Variants in MCF2L observed in about 807,000 individuals in gnomAD.
MCF2L encodes guanine nucleotide exchange factor DBS.
In MCF2L, 97 loss-of-function variants were observed where a neutral mutation model predicts 153.4. The observed-to-expected ratio is 0.63, with a 90% CI of 0.54 to 0.75. The LOEUF (loss-of-function observed/expected upper bound fraction) is 0.75. MCF2L is among the 30% of genes least tolerant of loss of function. The probability of loss-of-function intolerance (pLI) is 0.00; values close to 1 mark genes in which losing one functional copy is unlikely to be tolerated. For missense variants in MCF2L, 1,347 were observed against 1,495.2 expected, an observed-to-expected ratio of 0.90 and a Z score of 1.64; for synonymous variants, 659 against 632.2, an observed-to-expected ratio of 1.04 and a Z score of -0.64.
In MCF2L at chr13:113,058,969, C is replaced by CTGAG. The variant is rs141372551; in HGVS notation, c.370-1622_370-1621insAGTG. ...TGTTTGGGTGCTGAGTGTTTCAGCG[C>CTGAG]TGTTTGGGTGCTGAGTGTTTCAGTG... On this transcript the variant is annotated intron_variant, in intron 4 of 29. Transcript: ENST00000535094. Among the ~76,000 whole-genome samples, 5 of 144,956 alleles carry CTGAG rather than the reference C, an allele frequency of 3.4e-5. No individual in the cohort carries two copies. In the South Asian group the frequency reaches 6.6e-4, roughly 19 times the overall value.
At chr13:113,022,805 C>G (rs946372230) in intron 2 of MCF2L, among the ~76,000 whole-genome samples, 1 of 152,334 alleles carries the variant, frequency 6.6e-6, no homozygotes, top group South Asian at 2.1e-4. Flanking sequence ...TTGTCGTACT[C>G]GCACAGGAGG....
intron 3 of MCF2L, chr13:113,044,455 G>T (rs916586480): frequency 1.8e-6 from 1 of 565,034 alleles, no homozygotes. Context: ...CCATCCTGCA[G>T]AATTCTGATT....
rs2035800456 is a variant in MCF2L, at chr13:113,098,426, G to C, written c.*1567G>C. ...CCCTTGTGTGACCCTCCCCATAAAG[G>C]CACTTTACAGCTTCATGTTTCATCC... On this transcript the variant is annotated 3_prime_UTR_variant, in exon 30 of 30. Transcript: ENST00000535094. 6.6e-6 allele frequency: 1 copy of C among 152,570 alleles called. No homozygotes were observed. Among genetic ancestry groups the C allele is most frequent in the Admixed American group, 6.5e-5 (1 of 15,308 alleles). 9.5% of individuals were successfully genotyped at this position (152,570 alleles called of 1,614,324 possible).
At chr13:113,093,256 C>A (rs888195916) in intron 26 of MCF2L, among the ~76,000 whole-genome samples, 3 of 152,242 alleles carry the variant, frequency 2.0e-5, no homozygotes, top group Admixed American at 1.3e-4. Flanking sequence ...AGCTGCAGGT[C>A]TGCAACCGGA....
At chr13:112,916,978 TC>T (rs1444592366) in intron 2 of MCF2L, 4 of 439,172 alleles carry the variant, frequency 9.1e-6, no homozygotes, top group Non-Finnish European at 1.9e-5. Context: ...CTGGTCTGTG[TC>T]CCCATCCCTC....
chr13:112,991,049 A>G (rs1303472416), intron 1 of MCF2L, among the ~76,000 whole-genome samples: 1 of 152,128 alleles, frequency 6.6e-6, no homozygotes, highest in Non-Finnish European at 1.5e-5. Flanking sequence ...CTGGCTCTGC[A>G]CCTGGGGCTC....
Position 113,027,200 on chromosome 13 carries a change from G to T in MCF2L, c.278+2442G>T, listed in dbSNP as rs187519211. 2.8e-5 allele frequency: 17 copies of T among 614,992 alleles called. No homozygotes were observed. The highest frequency in any genetic ancestry group is 4.7e-5 in the Non-Finnish European group (16 of 337,298). 38.1% of individuals were successfully genotyped at this position (614,992 alleles called of 1,614,324 possible). Reference sequence around the variant, plus strand: ...TTCTTCAGTCTTTAAAGACAACAGCGCACTGGGCCTGGTAACTGAGAGCTC... The same window carrying T: ...TTCTTCAGTCTTTAAAGACAACAGCTCACTGGGCCTGGTAACTGAGAGCTC... On this transcript the variant is annotated intron_variant, in intron 3 of 29. Coordinates refer to ENST00000535094, the MANE Select transcript of MCF2L (RefSeq NM_001112732.3). The surrounding 1 kb of genome is among the most constrained non-coding windows in gnomAD (Gnocchi z 4.8).
intron 21 of MCF2L, among the ~76,000 whole-genome samples, chr13:113,086,654 A>T (rs888450799): frequency 6.6e-6 from 1 of 152,118 alleles, no homozygotes; most frequent in African/African-American, 2.4e-5. Flanking sequence ...CAGAAGGCAG[A>T]TGTCACTTTC....
chr13:112,967,512 C>G (rs1361584528), upstream of MCF2L: 1 of 152,240 alleles, frequency 6.6e-6, no homozygotes, highest in Non-Finnish European at 1.5e-5. Flanking sequence ...TCAATACTTT[C>G]TATCTGGTTA....
chr13:113,062,938 G>A (rs2031758585), intron 5 of MCF2L, among the ~76,000 whole-genome samples: 1 of 152,234 alleles, frequency 6.6e-6, no homozygotes, highest in Non-Finnish European at 1.5e-5. Flanking sequence ...TCCGGCCTCA[G>A]TGGTGGTGTG....
At chr13:112,964,589 A>G (rs77272556), upstream of MCF2L, among the ~76,000 whole-genome samples, 1,153 of 152,356 alleles carry the variant, frequency 7.6e-3, 15 homozygotes, top group African/African-American at 0.027. Flanking sequence ...AGAAACAATC[A>G]GATGTGAGAT....
chr13:112,900,203 A>G (rs1333385177), intron 1 of MCF2L, among the ~76,000 whole-genome samples: 3 of 152,224 alleles, frequency 2.0e-5, no homozygotes, highest in African/African-American at 4.8e-5. Flanking sequence ...TTTTCTTCCT[A>G]CTTTTTAATC....
intron 4 of MCF2L, among the ~76,000 whole-genome samples, chr13:113,057,250 T>C (rs1270762122): frequency 6.8e-6 from 1 of 146,794 alleles, no homozygotes; most frequent in Non-Finnish European, 1.5e-5. Flanking sequence ...TGTGTTTAGG[T>C]GCTGTGTGTT....
chr13:113,061,567 T>G (rs1418498469), intron 5 of MCF2L, among the ~76,000 whole-genome samples: 1 of 152,044 alleles, frequency 6.6e-6, no homozygotes, highest in Non-Finnish European at 1.5e-5. Context: ...GGGAATCAGG[T>G]GGCACCAGCC....
At chr13:112,950,923 C>T (rs973018587) in intron 2 of MCF2L, among the ~76,000 whole-genome samples, 1 of 152,164 alleles carries the variant, frequency 6.6e-6, no homozygotes, top group African/African-American at 2.4e-5. Flanking sequence ...TGTGAAAGCA[C>T]CTGCAAAGTG....
chr13:113,064,328 G>A lies in MCF2L; in HGVS notation c.514G>A (p.Asp172Asn). 1 of 1,613,006 alleles carries A rather than the reference G, an allele frequency of 6.2e-7. No homozygotes were observed. The change falls in exon 6 of 30, where the codon GAC becomes AAC. Residue 172 changes from aspartate to asparagine, a missense_variant. Asp to Asn is a conservative substitution (Grantham distance 23). Coordinates refer to ENST00000535094, the MANE Select transcript of MCF2L (RefSeq NM_001112732.3). The surrounding 1 kb of genome is among the most constrained non-coding windows in gnomAD (Gnocchi z 6.0). Reference sequence around the variant, plus strand: ...GGTCATAATGCTGAGCTCCGTACCAGACTTACACGGTTACATCGATAAGTC... The same window carrying A: ...GGTCATAATGCTGAGCTCCGTACCAAACTTACACGGTTACATCGATAAGTC... ...VPVIMLSSVP[D>N]LHGYIDKSQL...
rs1239653788 is a variant in MCF2L, at chr13:113,031,054, TACAG to T, written c.278+6302_278+6305del. 1.5e-5 allele frequency among the ~76,000 whole-genome samples: 1 copy of T among 68,708 alleles called. No individual in the cohort carries two copies. The allele number at this position is 68,708 out of a possible 152,430, so 45.1% of individuals were successfully genotyped here. A position where few individuals can be genotyped will look rare whatever the true frequency, so the allele number is the denominator to read the frequency against. On this transcript the variant is annotated intron_variant, in intron 3 of 29. Coordinates refer to ENST00000535094, the MANE Select transcript of MCF2L (RefSeq NM_001112732.3). This position sits in a 1 kb window ranked among gnomAD's most constrained non-coding sequence, Gnocchi z 5.5. ...AGACAGAGAGACAGAGACAGACAGA[TACAG>T]ACAGAGAGACAGAGACAGACAGATA...
At chr13:113,082,744 G>A (rs2034269459) in intron 17 of MCF2L, among the ~76,000 whole-genome samples, 1 of 152,200 alleles carries the variant, frequency 6.6e-6, no homozygotes, top group African/African-American at 2.4e-5. Context: ...CGTACCTGGT[G>A]GCCTGTGTCT....
At chr13:113,088,167 A>G (rs2034821261) in intron 23 of MCF2L, among the ~76,000 whole-genome samples, 160 bp from the exon 24 acceptor site, 1 of 151,946 alleles carries the variant, frequency 6.6e-6, no homozygotes, top group Non-Finnish European at 1.5e-5. Context: ...AGGGTCCCGC[A>G]ATGCGGGGCC....
Sources: gnomAD v4.1 joint callset for allele counts (sites outside exome capture counted in the v4.1 genomes callset) on GRCh38, gnomAD v4.1.1 for gene constraint, Gnocchi (gnomAD v3.1) non-coding constraint, MANE v1.5 for transcripts, NCBI Gene and HGNC (gene_info 2026-07-23, HGNC 2026-07-21) for gene names.